MEAF6: variants seen among roughly 807,000 people sequenced by gnomAD.
MEAF6 encodes chromatin modification-related protein MEAF6.
MEAF6 carries 15 observed loss-of-function variants against 28.9 expected under a neutral mutation model. That is an observed-to-expected ratio of 0.52 (90% CI 0.35 to 0.80). The LOEUF (loss-of-function observed/expected upper bound fraction) is 0.80, where lower values mean the gene tolerates loss of function less well. MEAF6 is among the 30% of genes least tolerant of loss of function. The pLI is 0.01. For missense variants in MEAF6, 178 were observed against 237.5 expected, an observed-to-expected ratio of 0.75 and a Z score of 1.65; for synonymous variants, 97 against 88.7, an observed-to-expected ratio of 1.09 and a Z score of -0.53.
chr1:37,507,264 G>A (rs1465018352), intron 4 of MEAF6, among the ~76,000 whole-genome samples: 1 of 151,520 alleles, frequency 6.6e-6, no homozygotes, highest in East Asian at 1.9e-4. Context: ...AGGTGGCAGT[G>A]AGCCGAGATC....
rs916720755 is a variant in MEAF6, at chr1:37,492,060, G to A, written c.*2039C>T. 1.3e-5 allele frequency among the ~76,000 whole-genome samples: 2 copies of A among 150,012 alleles called. No individual in the cohort carries two copies. The highest frequency in any genetic ancestry group is 2.5e-5 in the African/African-American group (1 of 40,780). Reference sequence around the variant, plus strand: ...TTTTTTTTTTTTGAGATGGAGTCTCGCTCTGTCGCCCAGGCTGGAGTGCAG... The same window carrying A: ...TTTTTTTTTTTTGAGATGGAGTCTCACTCTGTCGCCCAGGCTGGAGTGCAG... On this transcript the variant is annotated 3_prime_UTR_variant, in exon 7 of 7. Transcript: ENST00000296214.
intron 5 of MEAF6, among the ~76,000 whole-genome samples, chr1:37,499,385 A>T (rs1187326897): frequency 6.6e-6 from 1 of 152,184 alleles, no homozygotes; most frequent in Non-Finnish European, 1.5e-5. Context: ...GTACATAGAC[A>T]CCATGCTCTG....
intron 4 of MEAF6, among the ~76,000 whole-genome samples, chr1:37,504,049 G>C (rs1047724977): frequency 6.6e-6 from 1 of 152,210 alleles, no homozygotes; most frequent in Non-Finnish European, 1.5e-5. Context: ...TTGAGGGAGA[G>C]AGCTGGTGGG....
intron 4 of MEAF6, among the ~76,000 whole-genome samples, chr1:37,508,778 T>C (rs1284276525): frequency 8.6e-5 from 13 of 152,040 alleles, no homozygotes; most frequent in Non-Finnish European, 1.5e-5. Context: ...GCAAGAAGAG[T>C]ACAGTAATTT....
chr1:37,496,219 GAAGT>G (rs1420265587), intron 5 of MEAF6, among the ~76,000 whole-genome samples: 2 of 152,188 alleles, frequency 1.3e-5, no homozygotes, highest in East Asian at 1.9e-4. Context: ...TAAAAAGACT[GAAGT>G]AAGAGGGCAT....
intron 2 of MEAF6, 65 bp from the exon 3 acceptor site, chr1:37,509,607 C>T (rs1642598283): frequency 2.1e-6 from 3 of 1,404,224 alleles, no homozygotes; most frequent in Non-Finnish European, 3.0e-6. Flanking sequence ...TGGGGATGCC[C>T]CAGGACTCAT....
At chr1:37,506,567 A>G (rs1345558397) in intron 4 of MEAF6, among the ~76,000 whole-genome samples, 1 of 152,026 alleles carries the variant, frequency 6.6e-6, no homozygotes, top group Non-Finnish European at 1.5e-5. Flanking sequence ...TGTTTTTGGT[A>G]GAGATAGGGT....
intron 6 of MEAF6, among the ~76,000 whole-genome samples, 172 bp downstream of exon 6, chr1:37,495,713 A>AAAAAAAAC (rs1557603971): frequency 1.5e-5 from 2 of 133,984 alleles, no homozygotes; most frequent in African/African-American, 5.2e-5. Context: ...ACAAAAAAAA[A>AAAAAAAAC]AAAAAACAAA....
Position 37,493,844 on chromosome 1 carries a change from C to A in MEAF6, c.*255G>T, listed in dbSNP as rs532273657. The A allele has an allele frequency of 4.4e-5, 68 of 1,550,752 alleles. No individual in the cohort carries two copies. The highest frequency in any genetic ancestry group is 3.8e-5 in the Non-Finnish European group (44 of 1,147,660). On this transcript the variant is annotated 3_prime_UTR_variant, in exon 7 of 7. Transcript: ENST00000296214. ...GAAGGGAGAAACGCACAGTTAGCAACTTGCTGGGATTACAACATTGTCTTC... is the reference window on the plus strand; with the variant it reads ...GAAGGGAGAAACGCACAGTTAGCAAATTGCTGGGATTACAACATTGTCTTC...
chr1:37,495,993 G>T, intron 5 of MEAF6, 75 bp from the exon 6 acceptor site: 1 of 1,182,540 alleles, frequency 8.5e-7, no homozygotes, highest in Non-Finnish European at 1.3e-6. Context: ...TACTGCATAG[G>T]GCATAAGCTA....
At position 37,491,019 on chromosome 1, in the gene MEAF6, T is replaced by A. The variant is rs1489203010; in HGVS notation, c.*3080A>T. On this transcript the variant is annotated 3_prime_UTR_variant, in exon 7 of 7. Transcript: ENST00000296214. Reference sequence around the variant, plus strand: ...TCCAGCCTGGACGACAGAGCAAGACTCTGTCTCAAAAAAATAAATAAATAA... The same window carrying A: ...TCCAGCCTGGACGACAGAGCAAGACACTGTCTCAAAAAAATAAATAAATAA... Among the ~76,000 whole-genome samples, 1 of 151,944 alleles carries A rather than the reference T, an allele frequency of 6.6e-6. No homozygotes were observed. Among genetic ancestry groups the A allele is most frequent in the Non-Finnish European group, 1.5e-5 (1 of 67,978 alleles).
intron 2 of MEAF6, among the ~76,000 whole-genome samples, chr1:37,512,236 A>C (rs1642694116): frequency 1.3e-5 from 2 of 152,172 alleles, no homozygotes; most frequent in African/African-American, 2.4e-5. Flanking sequence ...ACCAATGTCA[A>C]TTTTCTGGCT....
At chr1:37,495,711 A>C (rs1217624052) in intron 6 of MEAF6, among the ~76,000 whole-genome samples, 174 bp downstream of exon 6, 21 of 134,192 alleles carry the variant, frequency 1.6e-4, no homozygotes, top group African/African-American at 4.7e-4. Flanking sequence ...AAACAAAAAA[A>C]AAAAAAAACA....
intron 2 of MEAF6, among the ~76,000 whole-genome samples, chr1:37,512,985 T>A (rs1557614077): frequency 1.3e-5 from 2 of 151,816 alleles, no homozygotes; most frequent in Non-Finnish European, 2.9e-5. Context: ...AGGTCAGGAG[T>A]TCGAGACCAG....
In MEAF6 at chr1:37,506,980, T is replaced by C. The variant is rs149984728; in HGVS notation, c.340+2298A>G. On this transcript the variant is annotated intron_variant, in intron 4 of 6. Coordinates refer to ENST00000296214, the MANE Select transcript of MEAF6 (RefSeq NM_001270875.3). ...GCAGGTAGACAGGTAAACAGCCATA[T>C]ACTGAATGATCAGCTAAGCCAGGGC... is the stretch of plus-strand genomic sequence containing the variant. Among the ~76,000 whole-genome samples, 429 of 152,330 alleles carry C rather than the reference T, an allele frequency of 2.8e-3. 1 individual carries two copies. Among genetic ancestry groups the C allele is most frequent in the African/African-American group, 9.9e-3 (410 of 41,580 alleles).
chr1:37,508,767 G>A (rs147897700), intron 4 of MEAF6, among the ~76,000 whole-genome samples: 45 of 152,286 alleles, frequency 3.0e-4, no homozygotes, highest in African/African-American at 1.0e-3. Flanking sequence ...TGACAGAAGA[G>A]GCAAGAAGAG....
rs1394718328 is a variant in MEAF6 at position 37,491,876 on chromosome 1, A to G, written c.*2223T>C. On this transcript the variant is annotated 3_prime_UTR_variant, in exon 7 of 7. Coordinates refer to ENST00000296214, the MANE Select transcript of MEAF6 (RefSeq NM_001270875.3). ...CTAGGCATCCCACTGCAGTTTCATA[A>G]ATACGTAAATAATCTTTTTAAGAGC... Among the ~76,000 whole-genome samples, 1 of 151,460 alleles carries G rather than the reference A, an allele frequency of 6.6e-6. No homozygotes were observed. The highest frequency in any genetic ancestry group is 1.9e-4 in the East Asian group (1 of 5,136).
intron 6 of MEAF6, among the ~76,000 whole-genome samples, 187 bp downstream of exon 6, chr1:37,495,698 A>AC (rs1642102702): frequency 1.5e-5 from 1 of 65,836 alleles, no homozygotes; most frequent in African/African-American, 4.0e-5. Flanking sequence ...AAAAAAAAAC[A>AC]AAAAACAAAA....
chr1:37,507,627 G>A (rs372870609), intron 4 of MEAF6, among the ~76,000 whole-genome samples: 1 of 152,130 alleles, frequency 6.6e-6, no homozygotes, highest in African/African-American at 2.4e-5. Context: ...GAAGGAAACA[G>A]AACAATTCTG....
Sources: gnomAD v4.1 joint callset for allele counts (sites outside exome capture counted in the v4.1 genomes callset) on GRCh38, gnomAD v4.1.1 for gene constraint, MANE v1.5 for transcripts, NCBI Gene and HGNC (gene_info 2026-07-23, HGNC 2026-07-21) for gene names.